The following ABCC4 variants were observed in gnomAD, a reference collection of about 807,000 sequenced individuals.
The protein encoded by ABCC4 is ATP binding cassette subfamily C member 4 (PEL blood group).
In ABCC4, 102 loss-of-function variants were observed where a neutral mutation model predicts 168.5. That is an observed-to-expected ratio of 0.61 (90% CI 0.52 to 0.71). The LOEUF (loss-of-function observed/expected upper bound fraction) is 0.71. Among genes scored for constraint, ABCC4 ranks in the 30% least tolerant of loss-of-function variants. The pLI is 0.00. For synonymous variants in ABCC4, 617 were observed against 590.7 expected (o/e 1.04, Z -0.65); for missense variants, 1,402 against 1,605.8 (o/e 0.87, Z 2.17).
chr13:95,279,528 G>T (rs917617204), intron 1 of ABCC4, among the ~76,000 whole-genome samples: 8 of 152,218 alleles, frequency 5.3e-5, no homozygotes, highest in Admixed American at 1.3e-4. Flanking sequence ...GTCTCAACCG[G>T]TCCTAGAGTG....
rs1006964786 is a variant in ABCC4 at position 95,083,057 on chromosome 13, C to G, written c.2686+83G>C. The G allele has an allele frequency of 2.0e-6, 3 of 1,471,730 alleles. No individual in the cohort carries two copies. The African/African-American group carries it at 4.2e-5, about 21-fold the overall frequency. 91.2% of individuals were successfully genotyped at this position (1,471,730 alleles called of 1,614,324 possible). A position where few individuals can be genotyped will look rare whatever the true frequency, so the allele number is the denominator to read the frequency against. On this transcript the variant is annotated intron_variant, in intron 21 of 30. Coordinates refer to ENST00000645237, the MANE Select transcript of ABCC4 (RefSeq NM_005845.5). ...AGAAATTCTGGAAGACAGAGTCTGCCGAATTTCAGGGGGTCTCTGTAATTT... is the reference window on the plus strand; with the variant it reads ...AGAAATTCTGGAAGACAGAGTCTGCGGAATTTCAGGGGGTCTCTGTAATTT...
chr13:95,212,172 C>CAAAAAAA (rs61656577), intron 4 of ABCC4, among the ~76,000 whole-genome samples: 201 of 123,110 alleles, frequency 1.6e-3, no homozygotes, highest in African/African-American at 2.9e-3. Context: ...GAGACTGTCT[C>CAAAAAAA]AAAAAAAAAA....
At chr13:95,104,767 T>G (rs922036004) in intron 20 of ABCC4, among the ~76,000 whole-genome samples, 2 of 152,094 alleles carry the variant, frequency 1.3e-5, no homozygotes, top group African/African-American at 4.8e-5. Flanking sequence ...GGCCAAGGAT[T>G]GGGGCAGAGA....
At chr13:95,220,594 A>G (rs1478811697) in intron 4 of ABCC4, among the ~76,000 whole-genome samples, 5 of 152,152 alleles carry the variant, frequency 3.3e-5, no homozygotes, top group African/African-American at 4.8e-5. Flanking sequence ...ACTAACATAC[A>G]TTTTTACAAC....
chr13:95,183,363 G>A (rs1424068314), intron 11 of ABCC4, among the ~76,000 whole-genome samples: 1 of 152,088 alleles, frequency 6.6e-6, no homozygotes, highest in Non-Finnish European at 1.5e-5. Flanking sequence ...GTACCTACAA[G>A]CCAGAATAAT....
At chr13:95,185,067 G>A (rs2038014923) in intron 11 of ABCC4, among the ~76,000 whole-genome samples, 1 of 152,214 alleles carries the variant, frequency 6.6e-6, no homozygotes, top group African/African-American at 2.4e-5. Context: ...AATTATTTTA[G>A]GGAAATGTTA....
At chr13:95,065,837 T>A (rs377385902) in intron 25 of ABCC4, among the ~76,000 whole-genome samples, 1 of 152,222 alleles carries the variant, frequency 6.6e-6, no homozygotes, top group African/African-American at 2.4e-5. Context: ...TTAATCAACA[T>A]TAGTTTGATT....
chr13:95,284,202 T>A (rs748460690), intron 1 of ABCC4, among the ~76,000 whole-genome samples: 2 of 152,116 alleles, frequency 1.3e-5, no homozygotes, highest in Admixed American at 6.6e-5. Flanking sequence ...TTGGGGTTTT[T>A]TTGAGACAGG....
intron 19 of ABCC4, among the ~76,000 whole-genome samples, chr13:95,149,506 T>C (rs2036605898): frequency 6.6e-6 from 1 of 152,096 alleles, no homozygotes; most frequent in African/African-American, 2.4e-5. Context: ...AGGAAATAAA[T>C]TTTATGCGCC....
At chr13:95,288,778 G>A (rs917068396) in intron 1 of ABCC4, among the ~76,000 whole-genome samples, 22 of 152,072 alleles carry the variant, frequency 1.4e-4, no homozygotes, top group Admixed American at 9.8e-4. Context: ...AAAAAAAAAA[G>A]GATGGGGGAT....
chr13:95,154,642 T>C (rs550410094), intron 19 of ABCC4, among the ~76,000 whole-genome samples: 62 of 152,344 alleles, frequency 4.1e-4, no homozygotes, highest in Non-Finnish European at 7.5e-4. Flanking sequence ...TGGTGCTGTG[T>C]CAAAACAACA....
intron 8 of ABCC4, among the ~76,000 whole-genome samples, chr13:95,201,978 A>C (rs2038641227): frequency 6.6e-6 from 1 of 152,200 alleles, no homozygotes; most frequent in South Asian, 2.1e-4. Flanking sequence ...TCTCAAAAGA[A>C]AAAAAAGACT....
intron 19 of ABCC4, among the ~76,000 whole-genome samples, chr13:95,123,201 C>T (rs1250852805): frequency 1.3e-5 from 2 of 152,180 alleles, no homozygotes; most frequent in South Asian, 4.1e-4. Flanking sequence ...GTTTTCCTTC[C>T]TCTGGGTAAC....
In ABCC4 at chr13:95,043,758, C is replaced by T. The variant is rs11568639; in HGVS notation, c.3659G>A (p.Arg1220Gln). Residue 1220 changes from arginine to glutamine, a missense_variant, in exon 29 of 31, where the codon CGG becomes CAG. By Grantham distance (43) the Arg-to-Gln change is conservative. Coordinates refer to ENST00000645237, the MANE Select transcript of ABCC4 (RefSeq NM_005845.5). ...RTDELIQKKI[R>Q]EKFAHCTVLT... ...CACGGTGCAGTGGGCAAATTTCTCC[C>T]GGATTTTTTTTTGTATTAACTCATC... 99 of 1,613,546 alleles carry T rather than the reference C, an allele frequency of 6.1e-5. No individual in the cohort carries two copies. Among genetic ancestry groups the T allele is most frequent in the Non-Finnish European group, 7.0e-5 (83 of 1,179,814 alleles).
intron 25 of ABCC4, among the ~76,000 whole-genome samples, chr13:95,068,067 A>C (rs2033607228): frequency 6.6e-6 from 1 of 152,178 alleles, no homozygotes; most frequent in East Asian, 1.9e-4. Context: ...AATGTCCAGG[A>C]AATCTGAGCA....
intron 19 of ABCC4, among the ~76,000 whole-genome samples, chr13:95,159,105 A>ATG (rs1214405846): frequency 1.3e-4 from 15 of 117,512 alleles, no homozygotes; most frequent in African/African-American, 4.5e-4. Flanking sequence ...ATATATATAT[A>ATG]TATATATATA....
intron 1 of ABCC4, among the ~76,000 whole-genome samples, chr13:95,271,686 G>A (rs553627956): frequency 3.2e-4 from 48 of 152,130 alleles, no homozygotes; most frequent in Non-Finnish European, 6.5e-4. Flanking sequence ...AACCTTCTTG[G>A]TTCCTTAGCT....
intron 1 of ABCC4, among the ~76,000 whole-genome samples, chr13:95,283,683 C>T (rs1055196477): frequency 2.6e-5 from 4 of 152,034 alleles, no homozygotes; most frequent in East Asian, 1.9e-4. Context: ...TTTGGGAGGC[C>T]GAGGTGGGTG....
intron 11 of ABCC4, among the ~76,000 whole-genome samples, chr13:95,182,540 G>A (rs934181409): frequency 3.9e-5 from 6 of 152,222 alleles, no homozygotes; most frequent in Non-Finnish European, 5.9e-5. Flanking sequence ...ATTCTTTCAA[G>A]CATGTCACAT....
Sources: gnomAD v4.1 joint callset for allele counts (sites outside exome capture counted in the v4.1 genomes callset) on GRCh38, gnomAD v4.1.1 for gene constraint, MANE v1.5 for transcripts, NCBI Gene and HGNC (gene_info 2026-07-23, HGNC 2026-07-21) for gene names.